ST18: variants seen among roughly 807,000 people sequenced by gnomAD.
ST18 encodes the protein suppression of tumorigenicity 18 protein.
Under a neutral mutation model 110.0 loss-of-function variants are expected in ST18, and 50 were observed. That is an observed-to-expected ratio of 0.45 (90% CI 0.36 to 0.58). The LOEUF is 0.58. Ranked by LOEUF, ST18 falls within the 20% of genes least tolerant of loss-of-function variation. The pLI is 0.00. For synonymous variants in ST18, 461 were observed against 452.4 expected, an observed-to-expected ratio of 1.02 and a Z score of -0.24; for missense variants, 1,306 against 1,280.1, an observed-to-expected ratio of 1.02 and a Z score of -0.31.
intron 2 of ST18, among the ~76,000 whole-genome samples, chr8:52,306,616 G>A (rs2095817147): frequency 6.6e-6 from 1 of 152,152 alleles, no homozygotes; most frequent in Admixed American, 6.5e-5. Context: ...GAATTAATCT[G>A]GTAACAATTT....
chr8:52,200,657 T>C (rs1437888137), intron 8 of ST18, among the ~76,000 whole-genome samples: 1 of 152,068 alleles, frequency 6.6e-6, no homozygotes, highest in African/African-American at 2.4e-5. Context: ...CTGACAGTGA[T>C]TGGAGTGAGC....
At chr8:52,128,797 G>A (rs1324851985) in intron 22 of ST18, among the ~76,000 whole-genome samples, 1 of 152,066 alleles carries the variant, frequency 6.6e-6, no homozygotes, top group African/African-American at 2.4e-5. Context: ...TAACTTTCCT[G>A]TGCTTGTTTC....
intron 2 of ST18, among the ~76,000 whole-genome samples, chr8:52,364,235 AC>A (rs1826916795): frequency 2.0e-5 from 3 of 152,042 alleles, no homozygotes; most frequent in South Asian, 4.1e-4. Flanking sequence ...TTTATAGCTA[AC>A]CTTTGCTTTT....
In ST18 at chr8:52,316,830, G is replaced by A. The variant is rs138862501; in HGVS notation, c.-464-86753C>T. Among the ~76,000 whole-genome samples the A allele has an allele frequency of 6.0e-3, 915 of 152,148 alleles. 6 individuals carry two copies. Among genetic ancestry groups the A allele is most frequent in the African/African-American group, 0.021 (867 of 41,484 alleles). ...ACATCTTTAAACTTCTTATTTTACT[G>A]TATTAGCAAGGACCTCCAGAACCAT... is the stretch of plus-strand genomic sequence containing the variant. On this transcript the variant is annotated intron_variant, in intron 2 of 25. Coordinates refer to ENST00000689386, the MANE Select transcript of ST18 (RefSeq NM_001352837.2).
chr8:52,213,997 T>C (rs947885972), intron 7 of ST18, among the ~76,000 whole-genome samples: 2 of 152,226 alleles, frequency 1.3e-5, no homozygotes, highest in African/African-American at 4.8e-5. Context: ...GCATCATAGA[T>C]CATTTGGACT....
chr8:52,193,229 G>A (rs2075154199), intron 8 of ST18, among the ~76,000 whole-genome samples: 1 of 152,178 alleles, frequency 6.6e-6, no homozygotes, highest in African/African-American at 2.4e-5. Context: ...AAGTATAAAA[G>A]GATTCAAGCT....
At chr8:52,332,952 T>C (rs1397497101) in intron 2 of ST18, among the ~76,000 whole-genome samples, 1 of 152,154 alleles carries the variant, frequency 6.6e-6, no homozygotes, top group Non-Finnish European at 1.5e-5. Context: ...GACCTAATTA[T>C]TATCTCCATT....
In ST18 at chr8:52,161,363, C is replaced by T; in HGVS notation, c.1594+12G>A. 1 of 1,611,300 alleles carries T rather than the reference C, an allele frequency of 6.2e-7. No individual in the cohort carries two copies. Among genetic ancestry groups the T allele is most frequent in the African/African-American group, 1.3e-5 (1 of 74,962 alleles). On this transcript the variant is annotated intron_variant, in intron 14 of 25. Coordinates refer to ENST00000689386, the MANE Select transcript of ST18 (RefSeq NM_001352837.2). ...GCATTTTGGGGAAACGGCATTAGAG[C>T]TCAAAGCTTACATTCAGGAAATGGT...
chr8:52,328,004 GGGA>G (rs1807274776), intron 2 of ST18, among the ~76,000 whole-genome samples: 1 of 152,182 alleles, frequency 6.6e-6, no homozygotes, highest in African/African-American at 2.4e-5. Context: ...TCTGGAAAAT[GGGA>G]GGAGGAATGT....
chr8:52,179,845 G>A (rs184634056), intron 9 of ST18, among the ~76,000 whole-genome samples: 6 of 152,172 alleles, frequency 3.9e-5, no homozygotes, highest in African/African-American at 9.6e-5. Flanking sequence ...TTAGTATCTT[G>A]TATTTTCTTC....
chr8:52,403,675 C>T (rs1273308530), intron 2 of ST18: 1 of 152,180 alleles, frequency 6.6e-6, no homozygotes, highest in Non-Finnish European at 1.5e-5. Context: ...CTCCCGCACT[C>T]TTCTTCAGCC....
chr8:52,176,477 G>T (rs1242091110), intron 9 of ST18, among the ~76,000 whole-genome samples: 1 of 152,180 alleles, frequency 6.6e-6, no homozygotes, highest in Non-Finnish European at 1.5e-5. Context: ...GCTCTTGGGA[G>T]GGCATAACCA....
chr8:52,269,514 C>A (rs1047739043), intron 2 of ST18, among the ~76,000 whole-genome samples: 6 of 152,136 alleles, frequency 3.9e-5, no homozygotes, highest in African/African-American at 1.4e-4. Context: ...AGCAGCTGGG[C>A]TAGGTGTGAG....
At chr8:52,261,725 C>A (rs972078861) in intron 2 of ST18, among the ~76,000 whole-genome samples, 2 of 152,170 alleles carry the variant, frequency 1.3e-5, no homozygotes, top group East Asian at 3.8e-4. Flanking sequence ...ACCTTTCCAA[C>A]CCTATTTCCA....
intron 23 of ST18, among the ~76,000 whole-genome samples, chr8:52,123,747 T>C (rs970573884): frequency 2.0e-5 from 3 of 152,252 alleles, no homozygotes; most frequent in African/African-American, 7.2e-5. Flanking sequence ...TCAGCCCTGC[T>C]GTTCCTGGGT....
chr8:52,396,371 T>C (rs1841139117), intron 2 of ST18, among the ~76,000 whole-genome samples: 1 of 152,198 alleles, frequency 6.6e-6, no homozygotes, highest in Admixed American at 6.5e-5. Flanking sequence ...ATAAATATTT[T>C]TCTTTCTGTG....
intron 2 of ST18, among the ~76,000 whole-genome samples, chr8:52,364,728 C>T (rs956423886): frequency 2.0e-5 from 3 of 152,114 alleles, no homozygotes; most frequent in African/African-American, 7.2e-5. Flanking sequence ...ATGAGGGTGA[C>T]CGTTGGAAGA....
intron 2 of ST18, among the ~76,000 whole-genome samples, chr8:52,292,836 T>C (rs1453911143): frequency 6.6e-6 from 1 of 152,200 alleles, no homozygotes. Context: ...TGTTTAGAAA[T>C]TGGCCTGTCA....
chr8:52,364,542 G>A (rs1827061767), intron 2 of ST18, among the ~76,000 whole-genome samples: 1 of 152,158 alleles, frequency 6.6e-6, no homozygotes, highest in Admixed American at 6.5e-5. Flanking sequence ...AGAAATAACA[G>A]ATTAATTTAT....
Sources: gnomAD v4.1 joint callset for allele counts (sites outside exome capture counted in the v4.1 genomes callset) on GRCh38, gnomAD v4.1.1 for gene constraint, MANE v1.5 for transcripts, NCBI Gene and HGNC (gene_info 2026-07-23, HGNC 2026-07-21) for gene names.